The following BIRC6 variants were observed in gnomAD, a reference collection of about 807,000 sequenced individuals.
BIRC6 encodes dual E2 ubiquitin-conjugating enzyme/E3 ubiquitin-protein ligase BIRC6.
In BIRC6, 98 loss-of-function variants were observed where a neutral mutation model predicts 503.3. The ratio of observed to expected loss-of-function variants is 0.19; its 90% CI spans 0.17 to 0.23. The LOEUF is 0.23. Ranked by LOEUF, BIRC6 falls within the 10% of genes least tolerant of loss-of-function variation. The pLI, the probability that BIRC6 is intolerant of heterozygous loss-of-function variation, is 1.00. For synonymous variants in BIRC6, 2,240 were observed against 2,078.7 expected (o/e 1.08, Z -2.11); for missense variants, 5,360 against 5,806.0 (o/e 0.92, Z 2.50).
At chr2:32,530,621 C>T (rs374200897) in intron 60 of BIRC6, among the ~76,000 whole-genome samples, 2 of 320 alleles carry the variant, frequency 6.3e-3, no homozygotes, top group African/African-American at 0.012. Flanking sequence ...TGGTTGTTTC[C>T]AATTTTTACT....
chr2:32,468,206 G>C, intron 28 of BIRC6, 95 bp downstream of exon 28: 2 of 1,286,586 alleles, frequency 1.6e-6, no homozygotes, highest in Non-Finnish European at 2.2e-6. Flanking sequence ...TTTCATAGGT[G>C]TACAGATAAG....
At chr2:32,574,125 C>T (rs1392960234) in intron 65 of BIRC6, among the ~76,000 whole-genome samples, 2 of 151,526 alleles carry the variant, frequency 1.3e-5, no homozygotes, top group East Asian at 3.9e-4. Flanking sequence ...AGGGTACCAA[C>T]CCCCACATAT....
rs191329911 is a variant in BIRC6 at position 32,387,040 on chromosome 2, C to T, written c.646-1710C>T. ...TTAATCGCTTGACCATCCTACGTGC[C>T]CTCTTTCTTGGACCACAGTGATGTT... is the stretch of plus-strand genomic sequence containing the variant. On this transcript the variant is annotated intron_variant, in intron 3 of 73. Transcript: ENST00000421745. Among the ~76,000 whole-genome samples the T allele has an allele frequency of 4.6e-5, 7 of 152,252 alleles. No homozygotes were observed. The East Asian group carries it at 1.4e-3, about 29-fold the overall frequency.
Position 32,590,605 on chromosome 2 carries a change from G to A in BIRC6, c.13356-3310G>A, listed in dbSNP as rs180976641. 2.4e-3 allele frequency among the ~76,000 whole-genome samples: 367 copies of A among 152,250 alleles called. 1 individual carries two copies. The highest frequency in any genetic ancestry group is 8.2e-3 in the African/African-American group (342 of 41,556). On this transcript the variant is annotated intron_variant, in intron 66 of 73. Coordinates refer to ENST00000421745, the MANE Select transcript of BIRC6 (RefSeq NM_016252.4). The stretch of plus-strand genomic sequence containing the variant: ...GCAGTTCAATATAATTGAATGTTGA[G>A]GTATGGGTTTGCTTTTTTGTTTTGT...
chr2:32,468,049 C>T lies in BIRC6; in HGVS notation c.5718C>T (p.Asn1906=). 2 of 1,613,884 alleles carry T rather than the reference C, an allele frequency of 1.2e-6. No individual in the cohort carries two copies. The highest frequency in any genetic ancestry group is 1.7e-6 in the Non-Finnish European group (2 of 1,179,854). Residue 1906 remains asparagine (N), a synonymous_variant, in exon 28 of 74, where the codon AAC becomes AAT. Coordinates refer to ENST00000421745, the MANE Select transcript of BIRC6 (RefSeq NM_016252.4). ...TAAAGGGAGAGGGAGAATCTGCAAACCAGCCAGAAATTGACCAGCATTTAG... is the reference window on the plus strand; with the variant it reads ...TAAAGGGAGAGGGAGAATCTGCAAATCAGCCAGAAATTGACCAGCATTTAG... ...DPLKGEGESA[N]QPEIDQHLAM...
At position 32,433,653 on chromosome 2, in the gene BIRC6, G is replaced by T; in HGVS notation, c.3258G>T (p.Trp1086Cys). ...TWKLQTDSNS[W>C]DEHVFELVLP... is the part of the protein sequence containing the mutation. ...TCCCCTTATTTGACAGCAACAGCTG[G>T]GATGAACATGTATTTGAATTAGTAC... Residue 1086 changes from tryptophan (W) to cysteine (C), a missense_variant, in exon 13 of 74, where the codon TGG becomes TGT. By Grantham distance (215) the Trp-to-Cys change is radical. Coordinates refer to ENST00000421745, the MANE Select transcript of BIRC6 (RefSeq NM_016252.4). 6.4e-7 allele frequency: 1 copy of T among 1,554,652 alleles called. No homozygotes were observed.
chr2:32,365,919 C>T (rs893164957), intron 1 of BIRC6, among the ~76,000 whole-genome samples: 3 of 151,662 alleles, frequency 2.0e-5, no homozygotes, highest in Non-Finnish European at 2.9e-5. Flanking sequence ...AATTCTTGCT[C>T]TGTTGCCCAG....
At chr2:32,377,524 C>G in intron 1 of BIRC6, 64 bp from the exon 2 acceptor site, 1 of 1,324,400 alleles carries the variant, frequency 7.6e-7, no homozygotes, top group Non-Finnish European at 1.0e-6. Flanking sequence ...ACTATGTAAA[C>G]ATTTATTTTT....
chr2:32,544,036 A>G (rs1471339359), intron 62 of BIRC6, among the ~76,000 whole-genome samples: 2 of 152,204 alleles, frequency 1.3e-5, no homozygotes, highest in Non-Finnish European at 2.9e-5. Flanking sequence ...GGGATGAGTT[A>G]TCTCAGAAAA....
chr2:32,388,883 C>G lies in BIRC6; in HGVS notation c.779C>G (p.Ser260Cys). 3 of 1,611,476 alleles carry G rather than the reference C, an allele frequency of 1.9e-6. No individual in the cohort carries two copies. Among genetic ancestry groups the G allele is most frequent in the Non-Finnish European group, 2.5e-6 (3 of 1,179,162 alleles). Residue 260 changes from serine (S) to cysteine (C), a missense_variant, in exon 4 of 74, where the codon TCT becomes TGT. Transcript: ENST00000421745. ...PVASSVMDRL[S>C]YLLPSARPEL... ...GCGTCCTCAGTGATGGACAGATTGT[C>G]TTACCTCTTACCTAGTGCACGTCCA...
chr2:32,460,264 ATATATATATT>A (rs2047710846), intron 23 of BIRC6, among the ~76,000 whole-genome samples: 2 of 29,486 alleles, frequency 6.8e-5, no homozygotes, highest in African/African-American at 2.8e-4. Flanking sequence ...ATATATATAT[ATATATATATT>A]TTTTTTTTTT....
At chr2:32,411,695 C>T (rs1233620701) in intron 9 of BIRC6, among the ~76,000 whole-genome samples, 1 of 151,818 alleles carries the variant, frequency 6.6e-6, no homozygotes, top group East Asian at 1.9e-4. Flanking sequence ...AGAGGCTGTT[C>T]TCAAACTCCA....
chr2:32,409,020 T>C (rs1406720897), intron 9 of BIRC6, among the ~76,000 whole-genome samples: 1 of 152,224 alleles, frequency 6.6e-6, no homozygotes, highest in Non-Finnish European at 1.5e-5. Flanking sequence ...TCCTGAAGTA[T>C]CTAAAAAGTG....
At position 32,473,222 on chromosome 2, in the gene BIRC6, C is replaced by A; in HGVS notation, c.6703C>A (p.Leu2235Ile). The A allele has an allele frequency of 6.5e-7, 1 of 1,543,868 alleles. No individual in the cohort carries two copies. Among genetic ancestry groups the A allele is most frequent in the Non-Finnish European group, 8.7e-7 (1 of 1,143,636 alleles). The change falls in exon 33 of 74, where the codon CTT becomes ATT. Residue 2235 changes from leucine (L) to isoleucine (I), a missense_variant. Around this residue, in one of 16 missense-constraint regions of BIRC6, gnomAD observed 2,299 missense variants for 2,267.2 expected, o/e 1.01. Coordinates refer to ENST00000421745, the MANE Select transcript of BIRC6 (RefSeq NM_016252.4). ...ATATTCCAGAAAAATCAGAAAGCAGCTTGTTCATCATAAACAGGTAATTGT... is the reference window on the plus strand; with the variant it reads ...ATATTCCAGAAAAATCAGAAAGCAGATTGTTCATCATAAACAGGTAATTGT... Reference protein sequence around the residue: ...RLYSRKIRKQLVHHKQQLNLL... With the variant: ...RLYSRKIRKQIVHHKQQLNLL...
chr2:32,504,994 A>T lies in BIRC6; in HGVS notation c.9500-11A>T, dbSNP rs747273722. The T allele has an allele frequency of 4.4e-6, 7 of 1,604,848 alleles. No individual in the cohort carries two copies. The South Asian group carries it at 5.6e-5, about 13-fold the overall frequency. ...CAAGTTCTTATAATTTATGTAAAAT[A>T]TCTTCTCTAGGTACAATCACATCTA... On this transcript the variant is annotated splice_polypyrimidine_tract_variant and intron_variant, in intron 49 of 73. Coordinates refer to ENST00000421745, the MANE Select transcript of BIRC6 (RefSeq NM_016252.4).
rs182870427 is a variant in BIRC6, at chr2:32,517,068, T to C, written c.11350-1186T>C. ...AGGGCAGGTCGGGTGCTGTGGCTTA[T>C]ACCTATAATCCCAGCTCTTTGGGAA... On this transcript the variant is annotated intron_variant, in intron 55 of 73. Coordinates refer to ENST00000421745, the MANE Select transcript of BIRC6 (RefSeq NM_016252.4). Among the ~76,000 whole-genome samples, 36 of 152,294 alleles carry C rather than the reference T, an allele frequency of 2.4e-4. No individual in the cohort carries two copies. The East Asian group carries it at 6.8e-3, about 29-fold the overall frequency.
At chr2:32,380,916 G>A (rs2037545868) in intron 3 of BIRC6, among the ~76,000 whole-genome samples, 1 of 152,120 alleles carries the variant, frequency 6.6e-6, no homozygotes, top group African/African-American at 2.4e-5. Flanking sequence ...TTGGATGCTT[G>A]GATAAGAATG....
intron 1 of BIRC6, among the ~76,000 whole-genome samples, chr2:32,372,558 T>C (rs563565453): frequency 6.6e-6 from 1 of 152,226 alleles, no homozygotes; most frequent in Non-Finnish European, 1.5e-5. Flanking sequence ...TGAAATATGT[T>C]TGGGGCTGGG....
At chr2:32,557,023 A>G (rs1299373734) in intron 65 of BIRC6, among the ~76,000 whole-genome samples, 3 of 152,216 alleles carry the variant, frequency 2.0e-5, no homozygotes, top group Admixed American at 2.0e-4. Context: ...ATTTTGTATT[A>G]CCCACATTTA....
Sources: allele counts gnomAD v4.1 joint callset (sites outside exome capture counted in the v4.1 genomes callset), GRCh38; gene constraint gnomAD v4.1.1; regional missense constraint gnomAD v4.1.1; transcripts MANE v1.5; gene names NCBI Gene and HGNC (gene_info 2026-07-23, HGNC 2026-07-21).